The following TIAM2 variants were observed in gnomAD, a reference collection of about 807,000 sequenced individuals.
The protein encoded by TIAM2 is TIAM Rac1 associated GEF 2.
Under a neutral mutation model 152.9 loss-of-function variants are expected in TIAM2, and 80 were observed. That is an observed-to-expected ratio of 0.52 (90% confidence interval 0.44 to 0.63). The LOEUF (loss-of-function observed/expected upper bound fraction) is 0.63, where lower values mean the gene tolerates loss of function less well. TIAM2 is among the 30% of genes least tolerant of loss of function. The probability of loss-of-function intolerance (pLI) is 0.00; values close to 1 mark genes in which losing one functional copy is unlikely to be tolerated. For synonymous variants in TIAM2, 804 were observed against 838.0 expected (o/e 0.96, Z 0.70); for missense variants, 1,965 against 2,120.1 (o/e 0.93, Z 1.44).
Position 155,218,091 on chromosome 6 carries a change from A to G in TIAM2, c.3168+6784A>G, listed in dbSNP as rs545121736. On this transcript the variant is annotated intron_variant, in intron 15 of 26. Transcript: ENST00000682666. The surrounding 1 kb of genome is among the most constrained non-coding windows in gnomAD (Gnocchi z 4.5). The stretch of plus-strand genomic sequence containing the variant: ...GGTGTATACTTGCCTGCATTATTGC[A>G]AGATCTTTTTGGTTATGTTTTTGTT... Among the ~76,000 whole-genome samples the G allele has an allele frequency of 2.6e-5, 4 of 152,322 alleles. No individual in the cohort carries two copies. In the South Asian group the frequency reaches 8.3e-4, roughly 32 times the overall value.
chr6:155,084,952 C>G (rs187706319), intron 1 of TIAM2, among the ~76,000 whole-genome samples: 135 of 152,236 alleles, frequency 8.9e-4, no homozygotes, highest in African/African-American at 3.1e-3. Context: ...ATAAGAGTCA[C>G]AGAATGGTTT....
chr6:155,164,570 C>A lies in TIAM2; in HGVS notation c.2184C>A (p.Gly728=), dbSNP rs759607320. ...RPSKLALGRL[G]ILSVSSFHAL... Reference sequence around the variant, plus strand: ...CCAAGCTGGCCCTCGGCAGGCTGGGCATCTTGTCTGTTTCCTCTTTCCATG... The same window carrying A: ...CCAAGCTGGCCCTCGGCAGGCTGGGAATCTTGTCTGTTTCCTCTTTCCATG... Residue 728 remains glycine, a synonymous_variant, in exon 8 of 27, where the codon GGC becomes GGA. Coordinates refer to ENST00000682666, the MANE Select transcript of TIAM2 (RefSeq NM_012454.4). 2.5e-6 allele frequency: 4 copies of A among 1,613,762 alleles called. No individual in the cohort carries two copies. Among genetic ancestry groups the A allele is most frequent in the South Asian group, 1.1e-5 (1 of 91,070 alleles).
At chr6:155,020,911 T>C (rs11961109) in intron 1 of TIAM2, among the ~76,000 whole-genome samples, 31,208 of 152,130 alleles carry the variant, frequency 0.21, 3,824 homozygotes, top group East Asian at 0.36. Flanking sequence ...TCCTCCACCC[T>C]GGCAACCACC....
Position 155,089,753 on chromosome 6 carries a change from G to A in TIAM2, c.-208-536G>A, listed in dbSNP as rs1408831433. On this transcript the variant is annotated intron_variant, in intron 1 of 26. Coordinates refer to ENST00000682666, the MANE Select transcript of TIAM2 (RefSeq NM_012454.4). ...ACTGTCTCATTACCCTATTGACTCTGCATTGCCTGTATCACTCTAGGATAT... is the reference window on the plus strand; with the variant it reads ...ACTGTCTCATTACCCTATTGACTCTACATTGCCTGTATCACTCTAGGATAT... 2.0e-5 allele frequency among the ~76,000 whole-genome samples: 3 copies of A among 152,126 alleles called. No individual in the cohort carries two copies. In the South Asian group the frequency reaches 6.2e-4, roughly 32 times the overall value.
chr6:155,033,878 G>A (rs950355121), intron 1 of TIAM2, among the ~76,000 whole-genome samples: 7 of 151,828 alleles, frequency 4.6e-5, no homozygotes, highest in Admixed American at 2.0e-4. Context: ...CACCACACCC[G>A]GCTAATTTTT....
intron 7 of TIAM2, among the ~76,000 whole-genome samples, chr6:155,150,811 C>T (rs139465642): frequency 5.3e-5 from 8 of 152,132 alleles, no homozygotes; most frequent in South Asian, 2.1e-4. Flanking sequence ...CTTTCCGGGC[C>T]GCGTTTTATA....
intron 15 of TIAM2, among the ~76,000 whole-genome samples, chr6:155,212,319 G>C (rs1170506286): frequency 6.6e-6 from 1 of 152,094 alleles, no homozygotes; most frequent in Admixed American, 6.6e-5. Context: ...GGCAATGCAG[G>C]AGGCTTCTAC....
intron 1 of TIAM2, among the ~76,000 whole-genome samples, chr6:155,057,345 A>G (rs1777476340): frequency 6.6e-6 from 1 of 150,726 alleles, no homozygotes; most frequent in African/African-American, 2.4e-5. Context: ...GGCCACCTCA[A>G]TTTTCTGATT....
intron 2 of TIAM2, among the ~76,000 whole-genome samples, chr6:155,121,114 A>G (rs1299049207): frequency 4.0e-5 from 6 of 151,890 alleles, no homozygotes. Flanking sequence ...TATATATAAT[A>G]TTTAATTTAA....
chr6:155,079,420 T>C (rs1778017189), intron 1 of TIAM2, among the ~76,000 whole-genome samples: 1 of 152,208 alleles, frequency 6.6e-6, no homozygotes, highest in African/African-American at 2.4e-5. Context: ...TTGCTGTCTT[T>C]TTTCCCCTTT....
At chr6:155,073,882 T>A (rs1777897563) in intron 1 of TIAM2, among the ~76,000 whole-genome samples, 1 of 152,198 alleles carries the variant, frequency 6.6e-6, no homozygotes, top group Non-Finnish European at 1.5e-5. Flanking sequence ...ATCTCAAAGA[T>A]GAAAGATCTT....
chr6:155,055,792 GTC>G (rs1287673665), intron 1 of TIAM2, among the ~76,000 whole-genome samples: 2 of 152,030 alleles, frequency 1.3e-5, no homozygotes, highest in African/African-American at 4.8e-5. Flanking sequence ...CAAGAGCTTG[GTC>G]TCTCCTAAAA....
At chr6:155,155,908 A>G (rs1780096526) in intron 7 of TIAM2, among the ~76,000 whole-genome samples, 1 of 152,220 alleles carries the variant, frequency 6.6e-6, no homozygotes, top group African/African-American at 2.4e-5. Flanking sequence ...CCTCAGTGAC[A>G]GTGGCACTGC....
chr6:155,248,224 G>T (rs1379199645), intron 20 of TIAM2, 45 bp downstream of exon 20: 2 of 1,572,988 alleles, frequency 1.3e-6, no homozygotes, highest in African/African-American at 1.4e-5. Context: ...GCACAGGGCG[G>T]CGAGGGGCTG....
intron 22 of TIAM2, 98 bp downstream of exon 22, chr6:155,251,119 G>GA (rs1562374431): frequency 9.7e-6 from 10 of 1,036,114 alleles, no homozygotes. Flanking sequence ...TGAGCTCCAG[G>GA]AGTCAGAATT....
intron 7 of TIAM2, 124 bp from the exon 8 acceptor site, chr6:155,164,291 A>G: frequency 1.1e-6 from 1 of 872,660 alleles, no homozygotes; most frequent in Admixed American, 2.8e-5. Flanking sequence ...GGAAAGGCTA[A>G]TTTAAACCAT....
At chr6:155,161,942 C>T (rs1303072947) in intron 7 of TIAM2, among the ~76,000 whole-genome samples, 2 of 151,700 alleles carry the variant, frequency 1.3e-5, no homozygotes, top group African/African-American at 4.8e-5. Flanking sequence ...TCCAGTGACT[C>T]ATTCATTTTC....
At chr6:155,136,528 C>T (rs1392643263) in intron 4 of TIAM2, among the ~76,000 whole-genome samples, 2 of 152,074 alleles carry the variant, frequency 1.3e-5, no homozygotes, top group Admixed American at 6.5e-5. Context: ...CCTGCCTCGG[C>T]CTCCCAAAGT....
chr6:155,197,497 C>T (rs1393549510), intron 14 of TIAM2, among the ~76,000 whole-genome samples: 4 of 152,098 alleles, frequency 2.6e-5, no homozygotes, highest in Non-Finnish European at 5.9e-5. Context: ...CGCATGTGTC[C>T]AGCCAGCAAG....
Sources: gnomAD v4.1 joint callset for allele counts (sites outside exome capture counted in the v4.1 genomes callset) on GRCh38, gnomAD v4.1.1 for gene constraint, Gnocchi (gnomAD v3.1) non-coding constraint, MANE v1.5 for transcripts, NCBI Gene and HGNC (gene_info 2026-07-23, HGNC 2026-07-21) for gene names.